The following PIWIL2 variants were observed in gnomAD, a reference collection of about 807,000 sequenced individuals.
PIWIL2 encodes the protein piwi-like protein 2.
PIWIL2 carries 81 observed loss-of-function variants against 116.5 expected under a neutral mutation model. The ratio of observed to expected loss-of-function variants is 0.70; its 90% CI spans 0.58 to 0.84. The LOEUF (loss-of-function observed/expected upper bound fraction) is 0.84. PIWIL2 is among the 40% of genes least tolerant of loss of function. PIWIL2 has a pLI of 0.00. For synonymous variants in PIWIL2, 489 were observed against 429.5 expected (o/e 1.14, Z -1.71); for missense variants, 1,272 against 1,212.3 (o/e 1.05, Z -0.73).
chr8:22,297,705 G>A (rs549439293), intron 10 of PIWIL2, among the ~76,000 whole-genome samples: 2 of 152,268 alleles, frequency 1.3e-5, no homozygotes, highest in East Asian at 3.9e-4. Context: ...TTATAGTCTA[G>A]GAGAAGGATC....
Position 22,352,986 on chromosome 8 carries a change from G to A in PIWIL2, c.2431G>A (p.Val811Met). The part of the protein sequence containing the change: ...EVNHCLPEKI[V>M]VYRDGVSDGQ... ...GAACCACTGTCTACCAGAGAAGATT[G>A]TGGTGTACCGTGATGGAGTGTCTGA... Residue 811 changes from valine to methionine, a missense_variant, in exon 21 of 23, where the codon GTG becomes ATG. Physicochemically the swap from Val to Met is conservative, Grantham distance 21. Transcript: ENST00000356766. 6.2e-7 allele frequency: 1 copy of A among 1,614,008 alleles called. No individual in the cohort carries two copies. Among genetic ancestry groups the A allele is most frequent in the Non-Finnish European group, 8.5e-7 (1 of 1,179,886 alleles).
At chr8:22,350,277 C>G (rs1427449454) in intron 20 of PIWIL2, among the ~76,000 whole-genome samples, 1 of 151,434 alleles carries the variant, frequency 6.6e-6, no homozygotes, top group East Asian at 1.9e-4. Flanking sequence ...GGAGTAGATG[C>G]TGGAAAGCCA....
At chr8:22,330,697 A>AAAATAAATAAATAAATAAATAAAT (rs3992768) in intron 20 of PIWIL2, among the ~76,000 whole-genome samples, 4 of 137,132 alleles carry the variant, frequency 2.9e-5, no homozygotes, top group Non-Finnish European at 1.6e-5. Flanking sequence ...ACTCTGTCTC[A>AAAATAAATAAATAAATAAATAAAT]AAATAAATAA....
rs74767939 is a variant in PIWIL2 at position 22,282,894 on chromosome 8, C to T, written c.426-140C>T. 2,490 of 698,554 alleles carry T rather than the reference C, an allele frequency of 3.6e-3. 54 individuals carry two copies. The African/African-American group carries it at 0.038, about 11-fold the overall frequency. The allele number at this position is 698,554 out of a possible 1,614,324, so 43.3% of individuals were successfully genotyped here. A position where few individuals can be genotyped will look rare whatever the true frequency, so the allele number is the denominator to read the frequency against. ...CGTGAGCCACTGTGCCTGGCCTTGG[C>T]ATATGTAGTTTGAGAGAATTTGAAA... On this transcript the variant is annotated intron_variant, in intron 4 of 22. Coordinates refer to ENST00000356766, the MANE Select transcript of PIWIL2 (RefSeq NM_018068.5).
At chr8:22,325,481 C>CTTTTTTT (rs749493740) in intron 20 of PIWIL2, among the ~76,000 whole-genome samples, 10 of 95,032 alleles carry the variant, frequency 1.1e-4, no homozygotes, top group Non-Finnish European at 1.6e-4. Context: ...TTGATTTAGT[C>CTTTTTTT]TTTTTTTTTT....
chr8:22,288,846 G>T (rs1158890606), intron 8 of PIWIL2, among the ~76,000 whole-genome samples, 180 bp downstream of exon 8: 1 of 152,206 alleles, frequency 6.6e-6, no homozygotes, highest in Non-Finnish European at 1.5e-5. Flanking sequence ...ACAAGTGGTA[G>T]ACCAGATTTG....
intron 18 of PIWIL2, among the ~76,000 whole-genome samples, 163 bp downstream of exon 18, chr8:22,315,308 GTTTGTTT>G (rs1255879599): frequency 6.6e-6 from 1 of 152,116 alleles, no homozygotes; most frequent in African/African-American, 2.4e-5. Context: ...TTTTATGTTT[GTTTGTTT>G]TTTGTTTTTT....
intron 6 of PIWIL2, among the ~76,000 whole-genome samples, chr8:22,287,127 G>A (rs931304216): frequency 7.9e-5 from 12 of 152,012 alleles, no homozygotes; most frequent in African/African-American, 2.9e-4. Flanking sequence ...CTCTTAAAAT[G>A]GAGTGACAAA....
At chr8:22,298,309 C>G (rs1030347191) in intron 10 of PIWIL2, among the ~76,000 whole-genome samples, 3 of 151,786 alleles carry the variant, frequency 2.0e-5, no homozygotes, top group African/African-American at 7.3e-5. Flanking sequence ...GATATACTTT[C>G]AAAACAAAAA....
intron 10 of PIWIL2, among the ~76,000 whole-genome samples, chr8:22,294,644 CAAAAAAAAAAAAAA>C (rs897494985): frequency 3.3e-5 from 1 of 29,902 alleles, no homozygotes; most frequent in South Asian, 1.2e-3. Context: ...GACTCTGTCT[CAAAAAAAAAAAAAA>C]AAAAAAAAAA....
At chr8:22,352,186 C>T (rs1268758708) in intron 20 of PIWIL2, among the ~76,000 whole-genome samples, 1 of 152,236 alleles carries the variant, frequency 6.6e-6, no homozygotes, top group Non-Finnish European at 1.5e-5. Context: ...CTCAGGTGAT[C>T]CACCCGCCTT....
At chr8:22,316,128 T>TA (rs1256373097) in intron 18 of PIWIL2, 117 bp from the exon 19 acceptor site, 2 of 624,854 alleles carry the variant, frequency 3.2e-6, no homozygotes, top group Non-Finnish European at 5.7e-6. Flanking sequence ...TCCCAGAACT[T>TA]ACTTTCATGT....
At position 22,310,116 on chromosome 8, in the gene PIWIL2, C is replaced by A. The variant is rs539133049; in HGVS notation, c.1800+42C>A. On this transcript the variant is annotated intron_variant, in intron 15 of 22. Coordinates refer to ENST00000356766, the MANE Select transcript of PIWIL2 (RefSeq NM_018068.5). ...GTGATAAAGAGAGGACCAGTATTCC[C>A]CAAAGTGTGGGAATTAGGAAGCAGG... is the stretch of plus-strand genomic sequence containing the variant. The A allele has an allele frequency of 3.8e-6, 4 of 1,052,284 alleles. No individual in the cohort carries two copies. In the Admixed American group the frequency reaches 7.5e-5, roughly 20 times the overall value. The allele number at this position is 1,052,284 out of a possible 1,614,324, so 65.2% of individuals were successfully genotyped here.
chr8:22,285,598 A>T (rs1830611123), intron 6 of PIWIL2, among the ~76,000 whole-genome samples: 1 of 152,026 alleles, frequency 6.6e-6, no homozygotes, highest in Admixed American at 6.6e-5. Flanking sequence ...TTGTTGGATC[A>T]TATTAGTACT....
chr8:22,353,703 C>T (rs1185052362), intron 21 of PIWIL2, among the ~76,000 whole-genome samples: 1 of 149,070 alleles, frequency 6.7e-6, no homozygotes, highest in Non-Finnish European at 1.5e-5. Context: ...GTTGAACATA[C>T]CTTGTTTTGC....
At chr8:22,331,730 A>G (rs1447629229) in intron 20 of PIWIL2, among the ~76,000 whole-genome samples, 1 of 152,106 alleles carries the variant, frequency 6.6e-6, no homozygotes, top group Non-Finnish European at 1.5e-5. Flanking sequence ...TCCAAGCTCA[A>G]AGAATTGGCA....
rs530088069 is a variant in PIWIL2, at chr8:22,333,504, C to T, written c.2403+15229C>T. Among the ~76,000 whole-genome samples, 141 of 151,976 alleles carry T rather than the reference C, an allele frequency of 9.3e-4. 1 individual carries two copies. Among genetic ancestry groups the T allele is most frequent in the Middle Eastern group, 3.4e-3 (1 of 294 alleles). ...GCACATGCCTGTAATCCTAGCTAGT[C>T]GGGAGGCTGAGGCAGGAGAATCGCT... On this transcript the variant is annotated intron_variant, in intron 20 of 22. Coordinates refer to ENST00000356766, the MANE Select transcript of PIWIL2 (RefSeq NM_018068.5).
chr8:22,296,008 T>G (rs546485604), intron 10 of PIWIL2, among the ~76,000 whole-genome samples: 1 of 149,780 alleles, frequency 6.7e-6, no homozygotes, highest in South Asian at 2.1e-4. Context: ...GTCTTGGGGT[T>G]CCTCTTCCCT....
intron 2 of PIWIL2, among the ~76,000 whole-genome samples, chr8:22,280,685 A>G (rs1226568229): frequency 6.6e-6 from 1 of 152,250 alleles, no homozygotes; most frequent in Non-Finnish European, 1.5e-5. Context: ...TCTGATACTC[A>G]TAAATGATCC....
Sources: allele counts gnomAD v4.1 joint callset (sites outside exome capture counted in the v4.1 genomes callset), GRCh38; gene constraint gnomAD v4.1.1; transcripts MANE v1.5; gene names NCBI Gene and HGNC (gene_info 2026-07-23, HGNC 2026-07-21).